CHD8: variants seen among roughly 807,000 people sequenced by gnomAD.
CHD8 encodes ATP-dependent chromatin remodeler CHD8.
CHD8 carries 31 observed loss-of-function variants against 279.2 expected under a neutral mutation model. The ratio of observed to expected loss-of-function variants is 0.11; its 90% confidence interval spans 0.08 to 0.15. CHD8 has a LOEUF of 0.15. CHD8 is among the 10% of genes least tolerant of loss of function. CHD8 has a pLI of 1.00. For missense variants in CHD8, 2,146 were observed against 3,230.5 expected, an observed-to-expected ratio of 0.66 and a Z score of 8.14; for synonymous variants, 1,081 against 1,139.6, an observed-to-expected ratio of 0.95 and a Z score of 1.04.
At position 21,385,908 on chromosome 14, in the gene CHD8, G is replaced by A; in HGVS notation, c.7451C>T (p.Pro2484Leu). 2 of 1,552,340 alleles carry A rather than the reference G, an allele frequency of 1.3e-6. No individual in the cohort carries two copies. Among genetic ancestry groups the A allele is most frequent in the Non-Finnish European group, 1.7e-6 (2 of 1,147,406 alleles). Residue 2484 changes from proline (P) to leucine (L), a missense_variant, in exon 38 of 38, where the codon CCT becomes CTT. Physicochemically the swap from Pro to Leu is moderately conservative, Grantham distance 98. Transcript: ENST00000646647. ...PFVMGGAPSS[P>L]HVDSSTMLHH... ...AAGCATGGTGCTGGAGTCTACATGA[G>A]GGGATGATGGTGCACCACCCATCAC...
chr14:21,403,537 A>G lies in CHD8; in HGVS notation c.3434T>C (p.Leu1145Pro). The change falls in exon 17 of 38, where the codon CTT becomes CCT. Residue 1145 changes from leucine (L) to proline (P), a missense_variant. Around this residue, in one of 26 missense-constraint regions of CHD8, gnomAD observed 48 missense variants for 135.7 expected, o/e 0.35. Transcript: ENST00000646647. This position sits in a 1 kb window ranked among gnomAD's most constrained non-coding sequence, Gnocchi z 4.3. ...LVLIDKLLPK[L>P]KAGGHKVLIF... is the part of the protein sequence containing the mutation. ...CAGAACTTTATGGCCACCAGCTTTA[A>G]GCTTTGGAAGCAACTTGTCAATAAG... The G allele has an allele frequency of 6.2e-7, 1 of 1,613,800 alleles. No individual in the cohort carries two copies. Among genetic ancestry groups the G allele is most frequent in the Non-Finnish European group, 8.5e-7 (1 of 1,179,814 alleles).
At chr14:21,404,599 G>C (rs981517655) in intron 16 of CHD8, among the ~76,000 whole-genome samples, 1 of 152,148 alleles carries the variant, frequency 6.6e-6, no homozygotes, top group African/African-American at 2.4e-5. Context: ...CCAAGGAACA[G>C]AGTAACCTAA....
chr14:21,434,041 T>TTC (rs1416874141), intron 1 of CHD8, among the ~76,000 whole-genome samples: 15 of 125,528 alleles, frequency 1.2e-4, no homozygotes, highest in African/African-American at 4.9e-4. Context: ...GAAAGTTTCT[T>TTC]TTTTTTTTTT....
chr14:21,452,217 T>G (rs1483949529), intron 1 of CHD8, among the ~76,000 whole-genome samples: 1 of 152,124 alleles, frequency 6.6e-6, no homozygotes, highest in Non-Finnish European at 1.5e-5. Flanking sequence ...ATTTTTGTAT[T>G]TTTTTAAGTA....
In CHD8 at chr14:21,403,714, G is replaced by T; in HGVS notation, c.3308-51C>A. The T allele has an allele frequency of 2.1e-6, 3 of 1,427,768 alleles. No homozygotes were observed. Among genetic ancestry groups the T allele is most frequent in the Non-Finnish European group, 2.9e-6 (3 of 1,035,964 alleles). The allele number at this position is 1,427,768 out of a possible 1,614,324, so 88.4% of individuals were successfully genotyped here. On this transcript the variant is annotated intron_variant, in intron 16 of 37. Transcript: ENST00000646647. The surrounding 1 kb of genome is among the most constrained non-coding windows in gnomAD (Gnocchi z 4.3). ...TTGAGATCCAGTGAACCATATTAAG[G>T]TTGTAGTCTATTTAACTAAGAAAGC...
intron 5 of CHD8, among the ~76,000 whole-genome samples, chr14:21,421,002 T>G (rs956625764): frequency 3.3e-5 from 5 of 152,190 alleles, no homozygotes; most frequent in Non-Finnish European, 7.3e-5. Flanking sequence ...CCTCAGGTGA[T>G]CCACCTGCCT....
At chr14:21,442,195 G>A (rs192040045) in intron 1 of CHD8, among the ~76,000 whole-genome samples, 1 of 152,326 alleles carries the variant, frequency 6.6e-6, no homozygotes, top group East Asian at 1.9e-4. Context: ...TAGGCCGGGT[G>A]CAGTGGCTCA....
In CHD8 at chr14:21,392,675, G is replaced by A. The variant is rs528376589; in HGVS notation, c.6603C>T (p.Pro2201=). 2.5e-6 allele frequency: 4 copies of A among 1,613,994 alleles called. No homozygotes were observed. The highest frequency in any genetic ancestry group is 2.2e-5 in the East Asian group (1 of 44,878). The part of the protein sequence containing the change: ...LGPGNHLLDS[P]SLTPGEYGDS... Reference sequence around the variant, plus strand: ...CACCATATTCTCCAGGAGTCAATGAGGGACTGTCTAGCAAGTGGTTGCCTG... The same window carrying A: ...CACCATATTCTCCAGGAGTCAATGAAGGACTGTCTAGCAAGTGGTTGCCTG... The change falls in exon 34 of 38, where the codon CCC becomes CCT. Residue 2201 remains proline (P), a synonymous_variant. Transcript: ENST00000646647.
At position 21,397,810 on chromosome 14, in the gene CHD8, T is replaced by C. The variant is rs1351370915; in HGVS notation, c.5051+13A>G. The stretch of plus-strand genomic sequence containing the variant: ...CAAGTTAGAGTTTTAAAAGAACAAA[T>C]ACTAATGCTTACCCTTCTACTATGT... On this transcript the variant is annotated intron_variant, in intron 27 of 37. Transcript: ENST00000646647. 6 of 1,612,356 alleles carry C rather than the reference T, an allele frequency of 3.7e-6. No individual in the cohort carries two copies. The highest frequency in any genetic ancestry group is 1.7e-5 in the Admixed American group (1 of 59,880).
chr14:21,399,461 A>G, intron 26 of CHD8, 141 bp downstream of exon 26: 1 of 644,828 alleles, frequency 1.6e-6, no homozygotes, highest in Non-Finnish European at 2.8e-6. Context: ...TGCTCTGGAT[A>G]TTTAAGAACT....
intron 37 of CHD8, among the ~76,000 whole-genome samples, chr14:21,388,019 C>T (rs1327209776): frequency 6.6e-6 from 1 of 152,144 alleles, no homozygotes; most frequent in Non-Finnish European, 1.5e-5. Flanking sequence ...TTCTAGCCAC[C>T]AGCCTTTCCC....
At chr14:21,442,709 GAGA>G (rs1296562811) in intron 1 of CHD8, among the ~76,000 whole-genome samples, 10 of 97,594 alleles carry the variant, frequency 1.0e-4, no homozygotes, top group Non-Finnish European at 1.4e-4. Context: ...GAGAGGAGAG[GAGA>G]GGAGAAGGGA....
rs77231140 is a variant in CHD8 at position 21,426,223 on chromosome 14, C to T, written c.1621G>A (p.Gly541Ser). 3 of 1,602,166 alleles carry T rather than the reference C, an allele frequency of 1.9e-6. No homozygotes were observed. Among genetic ancestry groups the T allele is most frequent in the Non-Finnish European group, 8.5e-7 (1 of 1,170,184 alleles). ...SKLNTITPVVGKKRKRNTSSD... is the reference protein window; with the variant it reads ...SKLNTITPVVSKKRKRNTSSD... Reference sequence around the variant, plus strand: ...GAGGTATTACGTTTTCTCTTCTTACCCACTACAGGAGTGATGGTGCTAAAA... The same window carrying T: ...GAGGTATTACGTTTTCTCTTCTTACTCACTACAGGAGTGATGGTGCTAAAA... The change falls in exon 5 of 38, where the codon GGT becomes AGT. Residue 541 changes from glycine (G) to serine (S), a missense_variant. By Grantham distance (56) the Gly-to-Ser change is moderately conservative. Coordinates refer to ENST00000646647, the MANE Select transcript of CHD8 (RefSeq NM_001170629.2).
intron 1 of CHD8, among the ~76,000 whole-genome samples, chr14:21,441,880 C>T (rs796106949): frequency 6.5e-5 from 9 of 138,672 alleles, no homozygotes; most frequent in Non-Finnish European, 6.3e-5. Context: ...CAGAGCGAGA[C>T]TCCACCTCAA....
intron 1 of CHD8, among the ~76,000 whole-genome samples, chr14:21,432,292 T>C (rs2139542479): frequency 6.6e-6 from 1 of 152,348 alleles, no homozygotes; most frequent in East Asian, 1.9e-4. Context: ...TAAATTTTTC[T>C]TGTGTTTTAT....
chr14:21,391,619 C>G lies in CHD8; in HGVS notation c.6909G>C (p.Glu2303Asp). The G allele has an allele frequency of 6.2e-7, 1 of 1,601,810 alleles. No homozygotes were observed. The highest frequency in any genetic ancestry group is 1.1e-5 in the South Asian group (1 of 88,874). The change falls in exon 36 of 38, where the codon GAG becomes GAC. Residue 2303 changes from glutamate to aspartate, a missense_variant. Physicochemically the swap from Glu to Asp is conservative, Grantham distance 45. Around this residue, in one of 26 missense-constraint regions of CHD8, gnomAD observed 336 missense variants for 392.9 expected, o/e 0.86. Transcript: ENST00000646647. ...LVELEVECME[E>D]PNHLDVDLET... ...CCAGGTCCACATCAAGGTGATTAGG[C>G]TCTTCCATGCACTCCACCTCCAGCT... is the stretch of plus-strand genomic sequence containing the variant.
In CHD8 at chr14:21,402,150, T is replaced by C. The variant is rs369880034; in HGVS notation, c.3883-14A>G. The C allele has an allele frequency of 7.0e-6, 11 of 1,578,566 alleles. No individual in the cohort carries two copies. Among genetic ancestry groups the C allele is most frequent in the East Asian group, 2.2e-5 (1 of 44,654 alleles). On this transcript the variant is annotated splice_polypyrimidine_tract_variant and intron_variant, in intron 19 of 37. Coordinates refer to ENST00000646647, the MANE Select transcript of CHD8 (RefSeq NM_001170629.2). This position sits in a 1 kb window ranked among gnomAD's most constrained non-coding sequence, Gnocchi z 4.5. Reference sequence around the variant, plus strand: ...GAACTGTTGGATCTGTAAAAACCAATAGAAAGATGAAAAGACTATCAAGAG... The same window carrying C: ...GAACTGTTGGATCTGTAAAAACCAACAGAAAGATGAAAAGACTATCAAGAG...
intron 5 of CHD8, 122 bp downstream of exon 5, chr14:21,426,006 A>G: frequency 1.6e-6 from 1 of 638,396 alleles, no homozygotes; most frequent in South Asian, 2.0e-5. Context: ...ATTTAGGCCT[A>G]CGCCCAGTTT....
At chr14:21,445,207 G>T (rs1890082432) in intron 1 of CHD8, among the ~76,000 whole-genome samples, 1 of 152,140 alleles carries the variant, frequency 6.6e-6, no homozygotes, top group Non-Finnish European at 1.5e-5. Context: ...CTAGACTACT[G>T]CAATTACCTT....
Sources: allele counts gnomAD v4.1 joint callset (sites outside exome capture counted in the v4.1 genomes callset), GRCh38; gene constraint gnomAD v4.1.1; regional missense constraint gnomAD v4.1.1; non-coding constraint Gnocchi (gnomAD v3.1); transcripts MANE v1.5; gene names NCBI Gene and HGNC (gene_info 2026-07-23, HGNC 2026-07-21).